The following RAF1 variants were observed in gnomAD, a reference collection of about 807,000 sequenced individuals.
RAF1 encodes RAF proto-oncogene serine/threonine-protein kinase.
A neutral mutation model predicts 81.1 loss-of-function variants in RAF1; 27 were observed. The observed-to-expected ratio is 0.33, with a 90% CI of 0.25 to 0.46. RAF1 has a LOEUF of 0.46. RAF1 is among the 20% of genes least tolerant of loss of function. RAF1 has a pLI of 1.00. For synonymous variants in RAF1, 298 were observed against 294.0 expected (o/e 1.01, Z -0.14); for missense variants, 598 against 826.0 (o/e 0.72, Z 3.38).
At position 12,605,248 on chromosome 3, in the gene RAF1, T is replaced by TTGTGTGTGTGTGTG. The variant is rs745742208; in HGVS notation, c.680+952_680+953insCACACACACACACA. 1.4e-4 allele frequency among the ~76,000 whole-genome samples: 16 copies of TTGTGTGTGTGTGTG among 111,716 alleles called. 1 individual carries two copies. The highest frequency in any genetic ancestry group is 4.1e-4 in the African/African-American group (13 of 31,380). The allele number at this position is 111,716 out of a possible 152,430, so 73.3% of individuals were successfully genotyped here. ...ACATTAAACATTATCTGATTACACATTATGTGTGTGTGTGTGTGTGTGTGT... is the reference window on the plus strand; with the variant it reads ...ACATTAAACATTATCTGATTACACATTGTGTGTGTGTGTGTATGTGTGTGTGTGTGTGTGTGTGT... On this transcript the variant is annotated intron_variant, in intron 6 of 17. Coordinates refer to ENST00000442415, the MANE Select transcript of RAF1 (RefSeq NM_001354689.3).
chr3:12,584,718 GC>G (rs2058266062), intron 17 of RAF1, 61 bp from the exon 17 acceptor site: 1 of 1,613,018 alleles, frequency 6.2e-7, no homozygotes, highest in Admixed American at 1.7e-5. Flanking sequence ...GATGTACCCT[GC>G]CCCCCACCAT....
chr3:12,583,719 ATTCCTGGC>A lies in RAF1; in HGVS notation c.*787_*794del, dbSNP rs2058215059. ...AACCCAAATCATCAAGAAAACCTGT[ATTCCTGGC>A]TTCCTTGTATACACATGATGTGACT... On this transcript the variant is annotated 3_prime_UTR_variant, in exon 18 of 18. Coordinates refer to ENST00000442415, the MANE Select transcript of RAF1 (RefSeq NM_001354689.3). 1 of 233,470 alleles carries A rather than the reference ATTCCTGGC, an allele frequency of 4.3e-6. No individual in the cohort carries two copies. The highest frequency in any genetic ancestry group is 2.2e-5 in the African/African-American group (1 of 45,366). The allele number at this position is 233,470 out of a possible 1,614,324, so 14.5% of individuals were successfully genotyped here. A position where few individuals can be genotyped will look rare whatever the true frequency, so the allele number is the denominator to read the frequency against.
chr3:12,618,674 T>A lies in RAF1; in HGVS notation c.48A>T (p.Gly16=). The A allele has an allele frequency of 6.2e-7, 1 of 1,614,194 alleles. No homozygotes were observed. Among genetic ancestry groups the A allele is most frequent in the Non-Finnish European group, 8.5e-7 (1 of 1,180,042 alleles). ...AGCCATCAAACACGGCATCTTTGAA[T>A]CCAAAACCATTGCTGATCGTCTTCC... Residue 16 remains glycine (G), a synonymous_variant, in exon 2 of 18, where the codon GGA becomes GGT. Coordinates refer to ENST00000442415, the MANE Select transcript of RAF1 (RefSeq NM_001354689.3).
intron 1 of RAF1, among the ~76,000 whole-genome samples, chr3:12,654,876 C>T (rs1214512915): frequency 6.7e-6 from 1 of 150,236 alleles, no homozygotes; most frequent in African/African-American, 2.4e-5. Context: ...ATCTAAGTAG[C>T]AATAAGAAGA....
intron 1 of RAF1, among the ~76,000 whole-genome samples, chr3:12,644,784 T>G (rs1158133361): frequency 6.6e-6 from 1 of 152,122 alleles, no homozygotes; most frequent in East Asian, 1.9e-4. Flanking sequence ...GAGTTTTTCC[T>G]CAAATACTAT....
At chr3:12,616,726 C>G (rs2059378737) in intron 2 of RAF1, among the ~76,000 whole-genome samples, 3 of 152,154 alleles carry the variant, frequency 2.0e-5, no homozygotes, top group Non-Finnish European at 4.4e-5. Flanking sequence ...TTCCCCACCT[C>G]AGAACCTTGC....
chr3:12,630,305 T>C (rs1391092760), intron 1 of RAF1, among the ~76,000 whole-genome samples: 1 of 152,188 alleles, frequency 6.6e-6, no homozygotes, highest in Non-Finnish European at 1.5e-5. Flanking sequence ...ATACCAATTT[T>C]CGTCACTTAT....
chr3:12,655,746 G>A (rs974498705), intron 1 of RAF1, among the ~76,000 whole-genome samples: 1 of 151,970 alleles, frequency 6.6e-6, no homozygotes, highest in Non-Finnish European at 1.5e-5. Context: ...GCCATAAAAA[G>A]GAATAAAATA....
intron 6 of RAF1, among the ~76,000 whole-genome samples, chr3:12,605,307 A>T (rs548320435): frequency 2.1e-5 from 3 of 142,128 alleles, no homozygotes; most frequent in Admixed American, 2.1e-4. Context: ...TTTTTTTTGG[A>T]GACAGAGTCT....
rs5746204 is a variant in RAF1 at position 12,608,678 on chromosome 3, C to T, written c.581+88G>A. 5.4e-4 allele frequency: 762 copies of T among 1,410,418 alleles called. 1 individual carries two copies. The African/African-American group carries it at 9.4e-3, about 17-fold the overall frequency. 87.4% of individuals were successfully genotyped at this position (1,410,418 alleles called of 1,614,324 possible). A position where few individuals can be genotyped will look rare whatever the true frequency, so the allele number is the denominator to read the frequency against. ...TCATTAAATGAGTCTAGAATCCAGA[C>T]CTGTCAGTCAAAATCTACAACAAAT... On this transcript the variant is annotated intron_variant, in intron 5 of 17. Coordinates refer to ENST00000442415, the MANE Select transcript of RAF1 (RefSeq NM_001354689.3).
chr3:12,657,183 T>C (rs1016129014), intron 1 of RAF1, among the ~76,000 whole-genome samples: 3 of 152,120 alleles, frequency 2.0e-5, no homozygotes, highest in African/African-American at 7.2e-5. Context: ...GAGAAAGCCA[T>C]GTGAGCAAGA....
chr3:12,609,459 T>C (rs910872328), intron 3 of RAF1, 124 bp from the exon 4 acceptor site: 2 of 691,984 alleles, frequency 2.9e-6, no homozygotes, highest in Non-Finnish European at 5.2e-6. Flanking sequence ...ACAACAATAA[T>C]TTATTTAATT....
intron 11 of RAF1, among the ~76,000 whole-genome samples, chr3:12,593,949 T>C (rs981179408): frequency 6.6e-6 from 1 of 152,106 alleles, no homozygotes; most frequent in African/African-American, 2.4e-5. Context: ...ACAGAAAGGT[T>C]TTCTGAAGGA....
chr3:12,621,725 T>C (rs890076966), intron 1 of RAF1, among the ~76,000 whole-genome samples: 4 of 152,176 alleles, frequency 2.6e-5, no homozygotes, highest in African/African-American at 9.7e-5. Flanking sequence ...AAAGACCAAA[T>C]ACCTAACAAT....
At chr3:12,609,166 T>A (rs1257461617) in intron 4 of RAF1, 67 bp downstream of exon 4, 2 of 1,252,358 alleles carry the variant, frequency 1.6e-6, no homozygotes, top group Non-Finnish European at 2.4e-6. Flanking sequence ...GCATATTACC[T>A]GAGAAATCTC....
chr3:12,635,014 T>C (rs896192662), intron 1 of RAF1, among the ~76,000 whole-genome samples: 15 of 152,108 alleles, frequency 9.9e-5, no homozygotes, highest in African/African-American at 3.6e-4. Context: ...TGCTAGTATA[T>C]GTTTAATACT....
intron 1 of RAF1, among the ~76,000 whole-genome samples, chr3:12,626,509 T>G (rs2059706886): frequency 6.6e-6 from 1 of 151,840 alleles, no homozygotes; most frequent in Admixed American, 6.6e-5. Context: ...GAGGATCACT[T>G]GAGCAAAGGA....
intron 1 of RAF1, among the ~76,000 whole-genome samples, chr3:12,620,176 T>G (rs1337632316): frequency 1.3e-5 from 2 of 152,148 alleles, no homozygotes; most frequent in African/African-American, 4.8e-5. Flanking sequence ...AGAGTCTCAC[T>G]CTATTGCCAG....
intron 2 of RAF1, among the ~76,000 whole-genome samples, chr3:12,614,345 C>T (rs544985950): frequency 6.6e-6 from 1 of 152,154 alleles, no homozygotes; most frequent in South Asian, 2.1e-4. Context: ...AGCAGGCCTG[C>T]CATGGTTAGC....
Sources: gnomAD v4.1 joint callset for allele counts (sites outside exome capture counted in the v4.1 genomes callset) on GRCh38, gnomAD v4.1.1 for gene constraint, MANE v1.5 for transcripts, NCBI Gene and HGNC (gene_info 2026-07-23, HGNC 2026-07-21) for gene names.